CACNA2D2: variants seen among roughly 807,000 people sequenced by gnomAD.
CACNA2D2 encodes voltage-dependent calcium channel subunit alpha-2/delta-2.
A neutral mutation model predicts 166.4 loss-of-function variants in CACNA2D2; 48 were observed. The ratio of observed to expected loss-of-function variants is 0.29; its 90% CI spans 0.23 to 0.37. CACNA2D2 has a LOEUF of 0.37. CACNA2D2 is among the 10% of genes least tolerant of loss of function. CACNA2D2 has a pLI of 1.00. For synonymous variants in CACNA2D2, 561 were observed against 573.7 expected (o/e 0.98, Z 0.32); for missense variants, 1,122 against 1,433.0 (o/e 0.78, Z 3.50).
intron 4 of CACNA2D2, 86 bp downstream of exon 4, chr3:50,394,022 TG>T: frequency 8.4e-7 from 1 of 1,184,684 alleles, no homozygotes; most frequent in Non-Finnish European, 1.3e-6. Context: ...GTCCCTCATG[TG>T]TCTGGGCAGC....
intron 3 of CACNA2D2, among the ~76,000 whole-genome samples, chr3:50,401,853 C>T (rs1706467594): frequency 6.6e-6 from 1 of 152,114 alleles, no homozygotes; most frequent in Non-Finnish European, 1.5e-5. Flanking sequence ...CAGGCGCCCA[C>T]CACCACGCTT....
chr3:50,483,608 G>A (rs1345136711), intron 1 of CACNA2D2, among the ~76,000 whole-genome samples: 1 of 152,204 alleles, frequency 6.6e-6, no homozygotes, highest in Admixed American at 6.5e-5. Flanking sequence ...CAGCCTGCTG[G>A]GTTGGGGGGA....
At position 50,365,676 on chromosome 3, in the gene CACNA2D2, C is replaced by G. The variant is rs1383056366; in HGVS notation, c.2928G>C (p.Gln976His). The change falls in exon 34 of 38, where the codon CAG becomes CAC. Residue 976 changes from glutamine to histidine, a missense_variant. This residue lies in a region of CACNA2D2 where 282 missense variants were observed against 266.2 expected (regional missense o/e 1.06). Transcript: ENST00000424201. The surrounding 1 kb of genome is among the most constrained non-coding windows in gnomAD (Gnocchi z 4.5). ...WTSAAAWSLF[Q>H]QLLYGLIYHS... ...GGTAGATGAGGCCGTAGAGAAGCTG[C>G]TGGAACAGGGACCTGCAGCGCACGG... 1 of 1,586,624 alleles carries G rather than the reference C, an allele frequency of 6.3e-7. No individual in the cohort carries two copies. The highest frequency in any genetic ancestry group is 2.3e-5 in the East Asian group (1 of 43,968).
chr3:50,476,930 T>C (rs961754289), intron 1 of CACNA2D2, among the ~76,000 whole-genome samples: 1 of 133,064 alleles, frequency 7.5e-6, no homozygotes. Flanking sequence ...TTTCTTTTTC[T>C]TTTTTTTTTT....
intron 1 of CACNA2D2, among the ~76,000 whole-genome samples, chr3:50,491,089 T>C (rs1326667344): frequency 6.6e-6 from 1 of 152,222 alleles, no homozygotes; most frequent in Non-Finnish European, 1.5e-5. Flanking sequence ...GCTTCTGTTC[T>C]GTTGGGCACT....
chr3:50,410,295 A>G (rs1339213912), intron 3 of CACNA2D2, among the ~76,000 whole-genome samples: 1 of 152,222 alleles, frequency 6.6e-6, no homozygotes, highest in East Asian at 1.9e-4. Context: ...TCTTGCATAG[A>G]AAGGCTGACA....
intron 1 of CACNA2D2, among the ~76,000 whole-genome samples, chr3:50,488,693 T>G (rs1278536411): frequency 2.0e-5 from 3 of 149,696 alleles, no homozygotes; most frequent in African/African-American, 7.4e-5. Context: ...TTCCTGGTGT[T>G]TTTTTTTTGT....
chr3:50,449,348 A>G (rs2106948689), intron 2 of CACNA2D2, among the ~76,000 whole-genome samples: 1 of 152,318 alleles, frequency 6.6e-6, no homozygotes, highest in African/African-American at 2.4e-5. Context: ...GCTCGTGCCC[A>G]GCTAATGGGC....
chr3:50,419,609 C>T (rs986626200), intron 3 of CACNA2D2, among the ~76,000 whole-genome samples: 5 of 152,126 alleles, frequency 3.3e-5, no homozygotes, highest in African/African-American at 4.8e-5. Flanking sequence ...ATGGGAAAGT[C>T]GGGGCCCCTT....
At chr3:50,445,001 T>G (rs1480931106) in intron 2 of CACNA2D2, among the ~76,000 whole-genome samples, 1 of 152,142 alleles carries the variant, frequency 6.6e-6, no homozygotes, top group Non-Finnish European at 1.5e-5. Flanking sequence ...GTCTCACACT[T>G]AGGCTCACAG....
Position 50,380,719 on chromosome 3 carries a change from C to T in CACNA2D2, c.842+29G>A. 1.4e-6 allele frequency: 2 copies of T among 1,478,044 alleles called. No individual in the cohort carries two copies. The highest frequency in any genetic ancestry group is 1.8e-6 in the Non-Finnish European group (2 of 1,109,844). 91.6% of individuals were successfully genotyped at this position (1,478,044 alleles called of 1,614,324 possible). ...GAAAGGTGGGGAACTGAGGGGGTGT[C>T]CCTCCCCAGCCCCTTCTTGCTCGCT... On this transcript the variant is annotated intron_variant, in intron 8 of 37. Coordinates refer to ENST00000424201, the MANE Select transcript of CACNA2D2 (RefSeq NM_006030.4). The surrounding 1 kb of genome is among the most constrained non-coding windows in gnomAD (Gnocchi z 4.9).
intron 2 of CACNA2D2, among the ~76,000 whole-genome samples, chr3:50,447,638 G>A (rs1708914415): frequency 6.6e-6 from 1 of 152,166 alleles, no homozygotes; most frequent in South Asian, 2.1e-4. Flanking sequence ...GGCCTGCAGG[G>A]CGTGACTGGG....
In CACNA2D2 at chr3:50,365,436, G is replaced by A. The variant is rs202246703; in HGVS notation, c.3018C>T (p.Cys1006=). 2.5e-5 allele frequency: 41 copies of A among 1,613,516 alleles called. No individual in the cohort carries two copies. Among genetic ancestry groups the A allele is most frequent in the South Asian group, 8.8e-5 (8 of 91,092 alleles). ...AGTAGTACTGGGTCTGTTTCATGACGCAGCTGCTCTCGCGCGTCTCGGGGC... is the reference window on the plus strand; with the variant it reads ...AGTAGTACTGGGTCTGTTTCATGACACAGCTGCTCTCGCGCGTCTCGGGGC... ...EGSPETRESS[C]VMKQTQYYFG... The change falls in exon 35 of 38, where the codon TGC becomes TGT. Residue 1006 remains cysteine (C), a synonymous_variant. Transcript: ENST00000424201. The surrounding 1 kb of genome is among the most constrained non-coding windows in gnomAD (Gnocchi z 4.5).
At chr3:50,388,953 C>G (rs587742931) in intron 4 of CACNA2D2, among the ~76,000 whole-genome samples, 43 of 152,344 alleles carry the variant, frequency 2.8e-4, no homozygotes, top group Middle Eastern at 3.4e-3. Flanking sequence ...AAAGGCAGCC[C>G]GAGAGTTCCA....
In CACNA2D2 at chr3:50,379,564, T is replaced by C; in HGVS notation, c.1020A>G (p.Ser340=). The change falls in exon 11 of 38, where the codon TCA becomes TCG. Residue 340 remains serine, a synonymous_variant. Coordinates refer to ENST00000424201, the MANE Select transcript of CACNA2D2 (RefSeq NM_006030.4). The surrounding 1 kb of genome is among the most constrained non-coding windows in gnomAD (Gnocchi z 6.5). ...ASFNEKAQPV[S]CFTHLVQANV... is the part of the protein sequence containing the mutation. ...TGGCCTGCACCAGGTGTGTGAAGCA[T>C]GACACAGGCTGTGCCTTCTCGTTGA... The C allele has an allele frequency of 6.2e-7, 1 of 1,613,938 alleles. No individual in the cohort carries two copies. The highest frequency in any genetic ancestry group is 8.5e-7 in the Non-Finnish European group (1 of 1,180,024).
chr3:50,427,172 T>G lies in CACNA2D2; in HGVS notation c.405+7141A>C, dbSNP rs1306183333. 6.6e-6 allele frequency among the ~76,000 whole-genome samples: 1 copy of G among 152,216 alleles called. No homozygotes were observed. The highest frequency in any genetic ancestry group is 1.9e-4 in the East Asian group (1 of 5,196). On this transcript the variant is annotated intron_variant, in intron 3 of 37. Coordinates refer to ENST00000424201, the MANE Select transcript of CACNA2D2 (RefSeq NM_006030.4). The surrounding 1 kb of genome is among the most constrained non-coding windows in gnomAD (Gnocchi z 4.7). ...GCCCTCTCTGACTCCCATTCCTTGG[T>G]GGTCGCTCTGCCACCGCATGCTCCC...
chr3:50,377,906 C>T (rs1384155188), intron 15 of CACNA2D2, 102 bp downstream of exon 15: 1 of 1,490,520 alleles, frequency 6.7e-7, no homozygotes, highest in Non-Finnish European at 9.3e-7. Context: ...TTCTCCTGTG[C>T]TTGGTTTACC....
At chr3:50,372,555 G>A (rs1412767787) in intron 22 of CACNA2D2, among the ~76,000 whole-genome samples, 3 of 152,172 alleles carry the variant, frequency 2.0e-5, no homozygotes, top group Non-Finnish European at 4.4e-5. Context: ...CCTTCTTGGA[G>A]GGCTGCCAGC....
intron 1 of CACNA2D2, among the ~76,000 whole-genome samples, chr3:50,498,370 C>T (rs1698810872): frequency 6.6e-6 from 1 of 152,158 alleles, no homozygotes; most frequent in Non-Finnish European, 1.5e-5. Flanking sequence ...TGCCAAGGGA[C>T]TAAAGGAGCC....
Sources: allele counts gnomAD v4.1 joint callset (sites outside exome capture counted in the v4.1 genomes callset), GRCh38; gene constraint gnomAD v4.1.1; regional missense constraint gnomAD v4.1.1; non-coding constraint Gnocchi (gnomAD v3.1); transcripts MANE v1.5; gene names NCBI Gene and HGNC (gene_info 2026-07-23, HGNC 2026-07-21).